Variants in ZNF461 observed in about 807,000 individuals in gnomAD.
ZNF461 encodes the protein gonadotropin-inducible ovarian transcription factor-1.
A neutral mutation model predicts 18.3 loss-of-function variants in ZNF461; 16 were observed. The ratio of observed to expected loss-of-function variants is 0.88; its 90% CI spans 0.59 to 1.33. The LOEUF (loss-of-function observed/expected upper bound fraction) is 1.33, where lower values mean the gene tolerates loss of function less well. Ranked by LOEUF, ZNF461 falls within the 40% of genes most tolerant of loss-of-function variation. The probability of loss-of-function intolerance (pLI) is 0.00; values close to 1 mark genes in which losing one functional copy is unlikely to be tolerated. For synonymous variants in ZNF461, 179 were observed against 216.9 expected (o/e 0.83, Z 1.54); for missense variants, 595 against 669.9 (o/e 0.89, Z 1.23).
chr19:36,643,392 A>G (rs1372047970), intron 5 of ZNF461: 1 of 152,944 alleles, frequency 6.5e-6, no homozygotes, highest in Non-Finnish European at 1.5e-5. Flanking sequence ...TCTTCTGTCC[A>G]GTACCACATG....
rs1260873423 is a variant in ZNF461 at position 36,638,432 on chromosome 19, T to G, written c.*221A>C. On this transcript the variant is annotated 3_prime_UTR_variant, in exon 6 of 6. Coordinates refer to ENST00000588268, the MANE Select transcript of ZNF461 (RefSeq NM_153257.5). ...AGTGAAACATGTAATTTTAGAAAAT[T>G]TATTCTCAATAAAAAAATTTATTCT... 5.4e-6 allele frequency: 2 copies of G among 367,532 alleles called. No homozygotes were observed. Among genetic ancestry groups the G allele is most frequent in the African/African-American group, 4.2e-5 (2 of 48,000 alleles). 22.8% of individuals were successfully genotyped at this position (367,532 alleles called of 1,614,324 possible).
At chr19:36,656,356 T>C (rs1213065505) in intron 4 of ZNF461, 92 bp downstream of exon 4, 1 of 989,796 alleles carries the variant, frequency 1.0e-6, no homozygotes, top group African/African-American at 1.6e-5. Context: ...AATCAGGTTT[T>C]CCCAAAGTTT....
In ZNF461 at chr19:36,639,125, T is replaced by G. The variant is rs770027313; in HGVS notation, c.1220A>C (p.His407Pro). The G allele has an allele frequency of 8.1e-6, 13 of 1,613,806 alleles. No homozygotes were observed. Among genetic ancestry groups the G allele is most frequent in the Non-Finnish European group, 1.0e-5 (12 of 1,179,988 alleles). ...HSSFSHHQKI[H>P]SGKKPYECHE... ...ACATTCATAAGGTTTCTTGCCAGAA[T>G]GAATTTTCTGATGGTGTGAGAAGCT... Residue 407 changes from histidine (H) to proline (P), a missense_variant, in exon 6 of 6, where the codon CAT becomes CCT. Coordinates refer to ENST00000588268, the MANE Select transcript of ZNF461 (RefSeq NM_153257.5).
At chr19:36,655,564 A>G (rs1392281544) in intron 4 of ZNF461, among the ~76,000 whole-genome samples, 1 of 152,170 alleles carries the variant, frequency 6.6e-6, no homozygotes, top group African/African-American at 2.4e-5. Flanking sequence ...GCACCACTGT[A>G]CTCCATCCAG....
intron 2 of ZNF461, among the ~76,000 whole-genome samples, chr19:36,664,029 CA>C (rs1568663872): frequency 6.6e-6 from 1 of 152,084 alleles, no homozygotes; most frequent in African/African-American, 2.4e-5. Flanking sequence ...AGTAGGTACT[CA>C]ATAAATATTC....
chr19:36,643,875 A>C lies in ZNF461; in HGVS notation c.233-13T>G. The C allele has an allele frequency of 6.8e-7, 1 of 1,473,100 alleles. No homozygotes were observed. The highest frequency in any genetic ancestry group is 9.1e-7 in the Non-Finnish European group (1 of 1,093,042). The allele number at this position is 1,473,100 out of a possible 1,614,324, so 91.3% of individuals were successfully genotyped here. The stretch of plus-strand genomic sequence containing the variant: ...GTTTTCCATGTACCTACATGGAAAC[A>C]AAAGAATAAATACTTCATTTTAGAA... On this transcript the variant is annotated splice_polypyrimidine_tract_variant and intron_variant, in intron 4 of 5. Transcript: ENST00000588268.
chr19:36,666,157 C>T (rs568831853), intron 1 of ZNF461, among the ~76,000 whole-genome samples: 1 of 151,284 alleles, frequency 6.6e-6, no homozygotes, highest in South Asian at 2.1e-4. Flanking sequence ...TGCAATGGCG[C>T]GATCTCGGCT....
Position 36,637,682 on chromosome 19 carries a change from CAAA to C in ZNF461, c.*968_*970del. On this transcript the variant is annotated 3_prime_UTR_variant, in exon 6 of 6. Coordinates refer to ENST00000588268, the MANE Select transcript of ZNF461 (RefSeq NM_153257.5). ...ACTGGACTCCAGCCTGGGTGTGTCTCAAAAAAAAAAAAAATGAAGTAGGCCAAA... is the reference window on the plus strand; with the variant it reads ...ACTGGACTCCAGCCTGGGTGTGTCTCAAAAAAAAAAATGAAGTAGGCCAAA... The C allele has an allele frequency of 5.2e-4, 107 of 207,332 alleles. No homozygotes were observed. Among genetic ancestry groups the C allele is most frequent in the South Asian group, 1.1e-3 (26 of 24,140 alleles). The allele number at this position is 207,332 out of a possible 1,614,324, so 12.8% of individuals were successfully genotyped here. A position where few individuals can be genotyped will look rare whatever the true frequency, so the allele number is the denominator to read the frequency against.
chr19:36,652,609 T>C (rs2037648851), intron 4 of ZNF461, among the ~76,000 whole-genome samples: 1 of 151,396 alleles, frequency 6.6e-6, no homozygotes, highest in Non-Finnish European at 1.5e-5. Flanking sequence ...TAAATACACA[T>C]ACACACACCA....
At chr19:36,659,219 G>C (rs2037776651) in intron 2 of ZNF461, among the ~76,000 whole-genome samples, 1 of 152,152 alleles carries the variant, frequency 6.6e-6, no homozygotes, top group South Asian at 2.1e-4. Flanking sequence ...AACCATGTGA[G>C]GGAACTATCT....
intron 4 of ZNF461, among the ~76,000 whole-genome samples, chr19:36,656,187 C>T (rs561768614): frequency 5.5e-4 from 83 of 151,906 alleles, no homozygotes; most frequent in African/African-American, 1.9e-3. Flanking sequence ...TTAGTAGAGA[C>T]GGGGTTTCAC....
Position 36,643,858 on chromosome 19 carries a change from T to C in ZNF461, c.237A>G (p.Thr79=), listed in dbSNP as rs542649343. The change falls in exon 5 of 6, where the codon ACA becomes ACG. Residue 79 remains threonine (T), a synonymous_variant. Transcript: ENST00000588268. The stretch of plus-strand genomic sequence containing the variant: ...TATTGTGAAATCCCCAAGTTTTCCA[T>C]GTACCTACATGGAAACAAAAGAATA... The part of the protein sequence containing the change: ...REETGRWCPG[T]WKTWGFHNNF... The C allele has an allele frequency of 1.3e-6, 2 of 1,525,134 alleles. No individual in the cohort carries two copies. The highest frequency in any genetic ancestry group is 1.8e-6 in the Non-Finnish European group (2 of 1,130,246). The allele number at this position is 1,525,134 out of a possible 1,614,324, so 94.5% of individuals were successfully genotyped here.
intron 4 of ZNF461, among the ~76,000 whole-genome samples, chr19:36,652,336 A>G (rs2037641325): frequency 1.3e-5 from 2 of 151,358 alleles, no homozygotes; most frequent in Admixed American, 1.3e-4. Flanking sequence ...TACTAAAAAA[A>G]AAAAAAATAC....
rs1259435096 is a variant in ZNF461 at position 36,643,845 on chromosome 19, C to T, written c.250G>A (p.Gly84Arg). The T allele has an allele frequency of 6.5e-7, 1 of 1,536,122 alleles. No homozygotes were observed. Among genetic ancestry groups the T allele is most frequent in the Non-Finnish European group, 8.8e-7 (1 of 1,138,258 alleles). ...TTGTCCAAGAAATTATTGTGAAATC[C>T]CCAAGTTTTCCATGTACCTACATGG... ...RWCPGTWKTW[G>R]FHNNFLDNNE... The change falls in exon 5 of 6, where the codon GGA becomes AGA. Residue 84 changes from glycine (G) to arginine (R), a missense_variant. Transcript: ENST00000588268.
chr19:36,651,361 T>C (rs1413965253), intron 4 of ZNF461, among the ~76,000 whole-genome samples: 5 of 151,492 alleles, frequency 3.3e-5, no homozygotes, highest in Admixed American at 6.6e-5. Flanking sequence ...TTCAACATAG[T>C]ATTAGAAGTT....
intron 2 of ZNF461, among the ~76,000 whole-genome samples, chr19:36,662,151 G>C (rs1218580553): frequency 3.3e-5 from 5 of 152,086 alleles, no homozygotes; most frequent in African/African-American, 1.2e-4. Flanking sequence ...TTACAGGCAT[G>C]AGCCACCGAG....
rs915363310 is a variant in ZNF461 at position 36,636,849 on chromosome 19, T to C, written c.*1804A>G. On this transcript the variant is annotated 3_prime_UTR_variant, in exon 6 of 6. Transcript: ENST00000588268. Reference sequence around the variant, plus strand: ...ATTCTTTTACTTATCAGAGAGCAGCTGTGGGGAGTGGGCCTAACTAGAAGC... The same window carrying C: ...ATTCTTTTACTTATCAGAGAGCAGCCGTGGGGAGTGGGCCTAACTAGAAGC... Among the ~76,000 whole-genome samples the C allele has an allele frequency of 6.6e-6, 1 of 152,230 alleles. No individual in the cohort carries two copies. Among genetic ancestry groups the C allele is most frequent in the African/African-American group, 2.4e-5 (1 of 41,470 alleles).
At chr19:36,645,932 G>A (rs1451908540) in intron 4 of ZNF461, among the ~76,000 whole-genome samples, 7 of 152,130 alleles carry the variant, frequency 4.6e-5, no homozygotes, top group South Asian at 2.1e-4. Context: ...CTACAGGCGT[G>A]AGCCACCATG....
chr19:36,664,578 AGCGAGGC>A, intron 2 of ZNF461, 113 bp downstream of exon 2: 1 of 725,568 alleles, frequency 1.4e-6, no homozygotes, highest in Non-Finnish European at 2.1e-6. Context: ...CCTGGGAGAC[AGCGAGGC>A]TATGTCTCAA....
Sources: allele counts gnomAD v4.1 joint callset (sites outside exome capture counted in the v4.1 genomes callset), GRCh38; gene constraint gnomAD v4.1.1; transcripts MANE v1.5; gene names NCBI Gene and HGNC (gene_info 2026-07-23, HGNC 2026-07-21).